The following TRPC1 variants were observed in gnomAD, a reference collection of about 807,000 sequenced individuals.
TRPC1 encodes the protein transient receptor potential cation channel subfamily C member 1, also known as short transient receptor potential channel 1.
A neutral mutation model predicts 88.2 loss-of-function variants in TRPC1; 42 were observed. The observed-to-expected ratio is 0.48, with a 90% CI of 0.37 to 0.62. TRPC1 has a LOEUF of 0.62. TRPC1 is among the 20% of genes least tolerant of loss of function. The probability of loss-of-function intolerance (pLI) is 0.00; values close to 1 mark genes in which losing one functional copy is unlikely to be tolerated. For synonymous variants in TRPC1, 288 were observed against 331.8 expected (o/e 0.87, Z 1.43); for missense variants, 699 against 957.3 (o/e 0.73, Z 3.56).
intron 8 of TRPC1, among the ~76,000 whole-genome samples, chr3:142,791,844 T>C (rs1936304703): frequency 6.6e-6 from 1 of 152,048 alleles, no homozygotes; most frequent in African/African-American, 2.4e-5. Context: ...GACAAAAATC[T>C]ACCCTTATAG....
At chr3:142,777,151 A>C (rs1346065816) in intron 4 of TRPC1, among the ~76,000 whole-genome samples, 1 of 152,070 alleles carries the variant, frequency 6.6e-6, no homozygotes, top group African/African-American at 2.4e-5. Flanking sequence ...TCTCTATAAA[A>C]ATTTTAAAAA....
chr3:142,763,977 TATATATAC>T (rs1935285728), intron 4 of TRPC1, among the ~76,000 whole-genome samples: 1 of 73,144 alleles, frequency 1.4e-5, no homozygotes, highest in African/African-American at 8.4e-5. Context: ...TATATATATA[TATATATAC>T]ACATACATAC....
At chr3:142,749,735 A>T (rs1411518147) in intron 4 of TRPC1, among the ~76,000 whole-genome samples, 2 of 152,228 alleles carry the variant, frequency 1.3e-5, no homozygotes, top group Non-Finnish European at 2.9e-5. Context: ...ATATAGACCA[A>T]TGGAACAGAA....
rs1936835332 is a variant in TRPC1 at position 142,807,684 on chromosome 3, T to C, written c.*1449T>C. 1 of 152,236 alleles carries C rather than the reference T, an allele frequency of 6.6e-6. No individual in the cohort carries two copies. Among genetic ancestry groups the C allele is most frequent in the Non-Finnish European group, 1.5e-5 (1 of 68,028 alleles). 9.4% of individuals were successfully genotyped at this position (152,236 alleles called of 1,614,324 possible). On this transcript the variant is annotated 3_prime_UTR_variant, in exon 13 of 13. Coordinates refer to ENST00000476941, the MANE Select transcript of TRPC1 (RefSeq NM_001251845.2). Reference sequence around the variant, plus strand: ...TATAAAAATGTTTATTGTAAAGTTATATATTTTGTCTACGATGGGATTATG... The same window carrying C: ...TATAAAAATGTTTATTGTAAAGTTACATATTTTGTCTACGATGGGATTATG...
intron 4 of TRPC1, among the ~76,000 whole-genome samples, chr3:142,758,784 T>G (rs1935075248): frequency 6.6e-6 from 1 of 151,860 alleles, no homozygotes; most frequent in South Asian, 2.1e-4. Context: ...CCGGTTAACT[T>G]GTCATTTACA....
intron 12 of TRPC1, among the ~76,000 whole-genome samples, chr3:142,805,613 G>T (rs1936770867): frequency 6.6e-6 from 1 of 151,942 alleles, no homozygotes; most frequent in Non-Finnish European, 1.5e-5. Flanking sequence ...TTTTGGGAGG[G>T]GATAAAATTT....
chr3:142,761,424 T>C lies in TRPC1; in HGVS notation c.632+12964T>C, dbSNP rs117263450. On this transcript the variant is annotated intron_variant, in intron 4 of 12. Transcript: ENST00000476941. The stretch of plus-strand genomic sequence containing the variant: ...CTTGCATCTCTGGGATGAATCCCAC[T>C]TGATCATGACAAGTGATCTTTTTAA... 4.5e-3 allele frequency among the ~76,000 whole-genome samples: 691 copies of C among 152,344 alleles called. 24 individuals carry two copies. The East Asian group carries it at 0.089, about 20-fold the overall frequency.
At chr3:142,788,471 G>GACC (rs1936198828) in intron 7 of TRPC1, among the ~76,000 whole-genome samples, 1 of 152,108 alleles carries the variant, frequency 6.6e-6, no homozygotes, top group South Asian at 2.1e-4. Flanking sequence ...TTTGTGTGTT[G>GACC]AGGGGTAGAT....
chr3:142,724,859 C>A lies in TRPC1; in HGVS notation c.172+128C>A. On this transcript the variant is annotated intron_variant, in intron 1 of 12. Transcript: ENST00000476941. This position sits in a 1 kb window ranked among gnomAD's most constrained non-coding sequence, Gnocchi z 5.6. ...GCCGAGTGTCTTCCCGCCTCGCCTG[C>A]TGCCTCAGGCGGTCTTCTCCTCACC... 1.8e-6 allele frequency: 2 copies of A among 1,122,460 alleles called. No homozygotes were observed. Among genetic ancestry groups the A allele is most frequent in the Non-Finnish European group, 2.4e-6 (2 of 837,548 alleles). 69.5% of individuals were successfully genotyped at this position (1,122,460 alleles called of 1,614,324 possible). A position where few individuals can be genotyped will look rare whatever the true frequency, so the allele number is the denominator to read the frequency against.
Position 142,792,803 on chromosome 3 carries a change from G to C in TRPC1, c.1438-21G>C, listed in dbSNP as rs1413191131. On this transcript the variant is annotated intron_variant, in intron 8 of 12. Transcript: ENST00000476941. The surrounding 1 kb of genome is among the most constrained non-coding windows in gnomAD (Gnocchi z 4.0). ...AATTGAGAGAGCTTATTTACCTTTG[G>C]CTTTTTCTTCCTAACCTTAGTTTCA... 24 of 1,537,618 alleles carry C rather than the reference G, an allele frequency of 1.6e-5. No homozygotes were observed. The highest frequency in any genetic ancestry group is 1.8e-5 in the Non-Finnish European group (21 of 1,146,234).
chr3:142,738,830 T>C (rs1368453672), intron 2 of TRPC1, among the ~76,000 whole-genome samples: 6 of 152,204 alleles, frequency 3.9e-5, no homozygotes, highest in Non-Finnish European at 7.3e-5. Context: ...GACTCAGCCT[T>C]GAAATATTAA....
chr3:142,769,852 C>CTTTG (rs896477463), intron 4 of TRPC1, among the ~76,000 whole-genome samples: 2 of 151,942 alleles, frequency 1.3e-5, no homozygotes, highest in Non-Finnish European at 2.9e-5. Flanking sequence ...TATAATCTGC[C>CTTTG]TTTGTTTGAT....
chr3:142,797,727 A>G (rs1050435834), intron 9 of TRPC1, among the ~76,000 whole-genome samples: 4 of 152,088 alleles, frequency 2.6e-5, no homozygotes, highest in African/African-American at 9.7e-5. Context: ...GATGCATACC[A>G]CAGTACTTGA....
At chr3:142,746,145 A>T (rs1280268890) in intron 3 of TRPC1, among the ~76,000 whole-genome samples, 1 of 152,216 alleles carries the variant, frequency 6.6e-6, no homozygotes, top group African/African-American at 2.4e-5. Flanking sequence ...TAAGCAGAAG[A>T]AAAATATTGT....
Position 142,776,544 on chromosome 3 carries a change from T to G in TRPC1, c.633-1088T>G, listed in dbSNP as rs536241036. Among the ~76,000 whole-genome samples, 2 of 152,290 alleles carry G rather than the reference T, an allele frequency of 1.3e-5. No homozygotes were observed. The highest frequency in any genetic ancestry group is 4.1e-4 in the South Asian group (2 of 4,822). ...AAGTAAATGATTTCACTCTTAAGAT[T>G]TGAAACATCTTTCAAACTCATAACC... On this transcript the variant is annotated intron_variant, in intron 4 of 12. Coordinates refer to ENST00000476941, the MANE Select transcript of TRPC1 (RefSeq NM_001251845.2). This position sits in a 1 kb window ranked among gnomAD's most constrained non-coding sequence, Gnocchi z 4.1.
At chr3:142,744,817 A>G (rs1418622187) in intron 3 of TRPC1, among the ~76,000 whole-genome samples, 1 of 152,120 alleles carries the variant, frequency 6.6e-6, no homozygotes, top group Non-Finnish European at 1.5e-5. Flanking sequence ...TGCTAATTTT[A>G]TTGTTTTTTA....
chr3:142,734,787 T>A (rs867197965), intron 1 of TRPC1, among the ~76,000 whole-genome samples: 58 of 145,510 alleles, frequency 4.0e-4, no homozygotes, highest in Middle Eastern at 3.5e-3. Context: ...AAAATAAAAA[T>A]AAAAAAAAAA....
chr3:142,748,949 G>A (rs1020883582), intron 4 of TRPC1, among the ~76,000 whole-genome samples: 1 of 152,118 alleles, frequency 6.6e-6, no homozygotes, highest in Non-Finnish European at 1.5e-5. Flanking sequence ...AACAACTGAG[G>A]ATTGATTGAC....
chr3:142,748,502 A>G (rs1011024716), intron 4 of TRPC1, 42 bp downstream of exon 4: 21 of 1,577,416 alleles, frequency 1.3e-5, no homozygotes, highest in Non-Finnish European at 1.7e-5. Flanking sequence ...TGTGATATAT[A>G]TCAACAATGT....
Sources: gnomAD v4.1 joint callset for allele counts (sites outside exome capture counted in the v4.1 genomes callset) on GRCh38, gnomAD v4.1.1 for gene constraint, Gnocchi (gnomAD v3.1) non-coding constraint, MANE v1.5 for transcripts, NCBI Gene and HGNC (gene_info 2026-07-23, HGNC 2026-07-21) for gene names.